CAMTA1: variants seen among roughly 807,000 people sequenced by gnomAD.
CAMTA1 encodes the protein calmodulin-binding transcription activator 1.
In CAMTA1, 27 loss-of-function variants were observed where a neutral mutation model predicts 170.9. That is an observed-to-expected ratio of 0.16 (90% confidence interval 0.12 to 0.22). The LOEUF is 0.22. CAMTA1 is among the 10% of genes least tolerant of loss of function. CAMTA1 has a pLI of 1.00. For missense variants in CAMTA1, 1,619 were observed against 2,217.2 expected (o/e 0.73, Z 5.42); for synonymous variants, 833 against 891.5 (o/e 0.93, Z 1.17).
In CAMTA1 at chr1:7,426,804, T is replaced by C. The variant is rs1350172716; in HGVS notation, c.439-41026T>C. The stretch of plus-strand genomic sequence containing the variant: ...TATTAGCTTGCACGTGACTTAAAAA[T>C]AATGGCTTTCGTAGAATTGCAAAAT... On this transcript the variant is annotated intron_variant, in intron 5 of 22. Transcript: ENST00000303635. This position sits in a 1 kb window ranked among gnomAD's most constrained non-coding sequence, Gnocchi z 4.8. 2.0e-5 allele frequency among the ~76,000 whole-genome samples: 3 copies of C among 152,220 alleles called. No homozygotes were observed. The highest frequency in any genetic ancestry group is 4.4e-5 in the Non-Finnish European group (3 of 68,046).
intron 6 of CAMTA1, among the ~76,000 whole-genome samples, chr1:7,514,019 T>C (rs888968812): frequency 3.9e-5 from 6 of 152,150 alleles, no homozygotes; most frequent in African/African-American, 1.4e-4. Context: ...CCAATGACCT[T>C]ATCTTAACTA....
intron 3 of CAMTA1, among the ~76,000 whole-genome samples, chr1:7,087,103 A>G (rs1356759557): frequency 6.6e-6 from 1 of 152,210 alleles, no homozygotes; most frequent in East Asian, 1.9e-4. Flanking sequence ...TCCTCTGTCA[A>G]GAGAGATAGA....
chr1:6,869,910 A>G (rs1182297829), intron 3 of CAMTA1, among the ~76,000 whole-genome samples: 3 of 152,146 alleles, frequency 2.0e-5, no homozygotes, highest in African/African-American at 4.8e-5. Context: ...AACATTTTTT[A>G]GTGTGTGAGT....
At chr1:7,444,863 A>G (rs1425649833) in intron 5 of CAMTA1, among the ~76,000 whole-genome samples, 1 of 152,240 alleles carries the variant, frequency 6.6e-6, no homozygotes, top group Non-Finnish European at 1.5e-5. Context: ...TCAACAAGCA[A>G]TTGAGCACCT....
intron 5 of CAMTA1, among the ~76,000 whole-genome samples, chr1:7,255,411 C>A (rs1399643748): frequency 6.6e-6 from 1 of 152,192 alleles, no homozygotes; most frequent in South Asian, 2.1e-4. Flanking sequence ...ACCCACCAGT[C>A]CATACCCTAC....
chr1:7,479,872 G>A (rs2093483057), intron 6 of CAMTA1, among the ~76,000 whole-genome samples: 1 of 152,208 alleles, frequency 6.6e-6, no homozygotes, highest in African/African-American at 2.4e-5. Flanking sequence ...CTTCCCTTCA[G>A]CTCAGTGTTC....
rs1357216603 is a variant in CAMTA1, at chr1:7,665,958, A to T, written c.2652+759A>T. Among the ~76,000 whole-genome samples, 1 of 152,152 alleles carries T rather than the reference A, an allele frequency of 6.6e-6. No individual in the cohort carries two copies. Among genetic ancestry groups the T allele is most frequent in the Non-Finnish European group, 1.5e-5 (1 of 68,030 alleles). On this transcript the variant is annotated intron_variant, in intron 9 of 22. Transcript: ENST00000303635. The surrounding 1 kb of genome is among the most constrained non-coding windows in gnomAD (Gnocchi z 4.3). ...CAAGGTGGGTGGATCACCTGAGGTC[A>T]GGAGTTCGAGACTAGCCTGGCCAAC... is the stretch of plus-strand genomic sequence containing the variant.
intron 3 of CAMTA1, among the ~76,000 whole-genome samples, chr1:6,852,447 A>G (rs1205029721): frequency 6.6e-6 from 1 of 152,228 alleles, no homozygotes; most frequent in African/African-American, 2.4e-5. Flanking sequence ...AAGATTGCTT[A>G]GAAACCAATT....
chr1:7,582,007 T>G (rs2095265178), intron 6 of CAMTA1, among the ~76,000 whole-genome samples: 1 of 152,172 alleles, frequency 6.6e-6, no homozygotes, highest in Non-Finnish European at 1.5e-5. Flanking sequence ...TCTTCTTGTC[T>G]CTCTGCTCTT....
At chr1:7,258,673 TG>T (rs1281416482) in intron 5 of CAMTA1, among the ~76,000 whole-genome samples, 1 of 152,192 alleles carries the variant, frequency 6.6e-6, no homozygotes, top group Non-Finnish European at 1.5e-5. Context: ...TTATTTGCCT[TG>T]GGTGAAGAGT....
chr1:7,601,133 C>T (rs1211839158), intron 6 of CAMTA1, among the ~76,000 whole-genome samples: 7 of 147,858 alleles, frequency 4.7e-5, no homozygotes, highest in Admixed American at 1.3e-4. Flanking sequence ...ACCTCCCTCC[C>T]GGACGGGGCG....
intron 3 of CAMTA1, among the ~76,000 whole-genome samples, chr1:6,922,191 A>T (rs750920601): frequency 4.1e-4 from 62 of 152,050 alleles, no homozygotes; most frequent in Non-Finnish European, 7.1e-4. Flanking sequence ...CCAAAAACTC[A>T]CACAATTCTG....
intron 5 of CAMTA1, among the ~76,000 whole-genome samples, chr1:7,413,062 T>A (rs1256994029): frequency 6.6e-6 from 1 of 150,426 alleles, no homozygotes; most frequent in South Asian, 2.1e-4. Flanking sequence ...GATCAGATAG[T>A]TGTAGACATG....
At position 7,565,739 on chromosome 1, in the gene CAMTA1, C is replaced by G. The variant is rs1469113920; in HGVS notation, c.511-74661C>G. 6.6e-6 allele frequency among the ~76,000 whole-genome samples: 1 copy of G among 152,142 alleles called. No individual in the cohort carries two copies. Among genetic ancestry groups the G allele is most frequent in the Non-Finnish European group, 1.5e-5 (1 of 68,034 alleles). ...TATGTTGTTTGTTTTGTCCTCGTGT[C>G]TTAGTCTACTCAGGCTGCCATGACA... On this transcript the variant is annotated intron_variant, in intron 6 of 22. Coordinates refer to ENST00000303635, the MANE Select transcript of CAMTA1 (RefSeq NM_015215.4). The surrounding 1 kb of genome is among the most constrained non-coding windows in gnomAD (Gnocchi z 4.5).
rs145550932 is a variant in CAMTA1 at position 7,677,695 on chromosome 1, C to T, written c.2876C>T (p.Thr959Met). 109 of 1,614,144 alleles carry T rather than the reference C, an allele frequency of 6.8e-5. No individual in the cohort carries two copies. In the African/African-American group the frequency reaches 1.1e-3, roughly 16 times the overall value. The change falls in exon 11 of 23, where the codon ACG becomes ATG. Residue 959 changes from threonine to methionine, a missense_variant. Transcript: ENST00000303635. The stretch of plus-strand genomic sequence containing the variant: ...GAGTACAAAGCCCGGGCTCTGCCCA[C>T]GCTCCCTTCCTCCCAGCACGACTGG... ...VFEYKARALP[T>M]LPSSQHDWLS...
intron 6 of CAMTA1, among the ~76,000 whole-genome samples, chr1:7,598,819 A>G (rs1475577177): frequency 2.0e-5 from 3 of 151,928 alleles, no homozygotes; most frequent in Non-Finnish European, 4.4e-5. Context: ...GTTTCAGTTC[A>G]TTGTAGATTC....
intron 6 of CAMTA1, among the ~76,000 whole-genome samples, chr1:7,480,110 T>C (rs1057283072): frequency 6.7e-6 from 1 of 149,180 alleles, no homozygotes; most frequent in Non-Finnish European, 1.5e-5. Context: ...TGTGAGAGCG[T>C]GTGTGTGTGT....
intron 3 of CAMTA1, among the ~76,000 whole-genome samples, chr1:7,004,548 T>C (rs1698701777): frequency 6.6e-6 from 1 of 152,138 alleles, no homozygotes; most frequent in Non-Finnish European, 1.5e-5. Context: ...GTCTGTTTGT[T>C]GTGAAATAAA....
intron 4 of CAMTA1, among the ~76,000 whole-genome samples, chr1:7,129,034 C>T (rs1393321579): frequency 6.6e-6 from 1 of 151,772 alleles, no homozygotes; most frequent in Non-Finnish European, 1.5e-5. Flanking sequence ...GAGACCACCT[C>T]ACTATGTTGG....
Sources: allele counts gnomAD v4.1 joint callset (sites outside exome capture counted in the v4.1 genomes callset), GRCh38; gene constraint gnomAD v4.1.1; non-coding constraint Gnocchi (gnomAD v3.1); transcripts MANE v1.5; gene names NCBI Gene and HGNC (gene_info 2026-07-23, HGNC 2026-07-21).